Variants in CFTR observed in about 807,000 individuals in gnomAD.
The protein encoded by CFTR is CF transmembrane conductance regulator.
A neutral mutation model predicts 171.6 loss-of-function variants in CFTR; 181 were observed. The observed-to-expected ratio is 1.05, with a 90% confidence interval of 0.93 to 1.19. CFTR has a LOEUF of 1.19. Among genes scored for constraint, CFTR ranks in the 50% most tolerant of loss-of-function variants. The pLI is 0.00. For synonymous variants in CFTR, 583 were observed against 608.0 expected (o/e 0.96, Z 0.60); for missense variants, 1,968 against 1,734.7 (o/e 1.13, Z -2.39).
chr7:117,538,059 TA>T (rs1798986730), intron 7 of CFTR, among the ~76,000 whole-genome samples: 2 of 152,350 alleles, frequency 1.3e-5, no homozygotes, highest in African/African-American at 4.8e-5. Context: ...CTATCCCTCT[TA>T]CTTGGAATTT....
chr7:117,616,807 A>G (rs567699968), intron 21 of CFTR, among the ~76,000 whole-genome samples: 1 of 152,294 alleles, frequency 6.6e-6, no homozygotes, highest in African/African-American at 2.4e-5. Flanking sequence ...TTTTGTTTGA[A>G]TATCAAAGCT....
At chr7:117,549,836 TAGG>T (rs1799238502) in intron 10 of CFTR, among the ~76,000 whole-genome samples, 1 of 149,564 alleles carries the variant, frequency 6.7e-6, no homozygotes, top group Non-Finnish European at 1.5e-5. Flanking sequence ...AGAAAGGAAG[TAGG>T]AGGAAGGAAG....
intron 13 of CFTR, among the ~76,000 whole-genome samples, chr7:117,591,395 G>C (rs1562907567): frequency 6.6e-6 from 1 of 151,992 alleles, no homozygotes; most frequent in African/African-American, 2.4e-5. Context: ...TATTTGAGGA[G>C]AGTCAAATTA....
rs1799149828 is a variant in CFTR at position 117,546,497 on chromosome 7, A to G, written c.1210-2144A>G. 2.0e-5 allele frequency among the ~76,000 whole-genome samples: 3 copies of G among 152,178 alleles called. No homozygotes were observed. In the South Asian group the frequency reaches 6.2e-4, roughly 32 times the overall value. ...TTATTAAATGTAAATATAAATATAAATGTGTGGAGTGATATCCATTGAAAT... is the reference window on the plus strand; with the variant it reads ...TTATTAAATGTAAATATAAATATAAGTGTGTGGAGTGATATCCATTGAAAT... On this transcript the variant is annotated intron_variant, in intron 9 of 26. Transcript: ENST00000003084.
At chr7:117,596,278 C>A (rs1206078335) in intron 15 of CFTR, among the ~76,000 whole-genome samples, 4 of 152,234 alleles carry the variant, frequency 2.6e-5, no homozygotes, top group African/African-American at 9.6e-5. Context: ...CAGTGAGGGG[C>A]TTAGCACCTG....
At chr7:117,662,268 T>C (rs1793303061) in intron 24 of CFTR, among the ~76,000 whole-genome samples, 1 of 152,176 alleles carries the variant, frequency 6.6e-6, no homozygotes, top group Admixed American at 6.5e-5. Context: ...TCAGTACATA[T>C]TTGATAAATG....
intron 10 of CFTR, among the ~76,000 whole-genome samples, chr7:117,550,329 CAA>C (rs374964774): frequency 3.3e-4 from 45 of 135,362 alleles, no homozygotes; most frequent in African/African-American, 9.2e-4. Flanking sequence ...GTGATAGGCT[CAA>C]AAAAAAAAAA....
intron 11 of CFTR, among the ~76,000 whole-genome samples, chr7:117,585,087 A>G (rs1791909960): frequency 6.6e-6 from 1 of 151,876 alleles, no homozygotes; most frequent in Non-Finnish European, 1.5e-5. Flanking sequence ...CCCCTTCAGT[A>G]TTCTTGTCCT....
intron 14 of CFTR, among the ~76,000 whole-genome samples, chr7:117,594,265 T>C (rs1792084739): frequency 6.6e-6 from 1 of 152,224 alleles, no homozygotes. Context: ...TTGTGATTCA[T>C]AGCACTTTCC....
rs397508142 is a variant in CFTR at position 117,540,242 on chromosome 7, A to G, written c.1012A>G (p.Thr338Ala). 1 of 1,614,154 alleles carries G rather than the reference A, an allele frequency of 6.2e-7. No individual in the cohort carries two copies. The highest frequency in any genetic ancestry group is 1.1e-5 in the South Asian group (1 of 91,088). Residue 338 changes from threonine (T) to alanine (A), a missense_variant, in exon 8 of 27, where the codon ACC becomes GCC. Physicochemically the swap from Thr to Ala is moderately conservative, Grantham distance 58. Transcript: ENST00000003084. ...IKGIILRKIF[T>A]TISFCIVLRM... The stretch of plus-strand genomic sequence containing the variant: ...AGGAATCATCCTCCGGAAAATATTC[A>G]CCACCATCTCATTCTGCATTGTTCT...
chr7:117,565,669 A>G (rs1791590771), intron 11 of CFTR, among the ~76,000 whole-genome samples: 1 of 152,196 alleles, frequency 6.6e-6, no homozygotes, highest in African/African-American at 2.4e-5. Context: ...CATGACAGCC[A>G]TTACATATGC....
intron 20 of CFTR, among the ~76,000 whole-genome samples, chr7:117,612,030 T>TATATATATATATATATATATAC: frequency 1.3e-5 from 1 of 75,324 alleles, no homozygotes; most frequent in South Asian, 3.9e-4. Context: ...TATGTATATA[T>TATATATATATATATATATATAC]ATATATATAT....
At chr7:117,637,871 C>T (rs1466971101) in intron 22 of CFTR, among the ~76,000 whole-genome samples, 2 of 151,384 alleles carry the variant, frequency 1.3e-5, no homozygotes, top group South Asian at 2.1e-4. Flanking sequence ...AGCAAGACTC[C>T]GTCTCAAAAA....
chr7:117,621,200 T>C (rs1792574181), intron 21 of CFTR, among the ~76,000 whole-genome samples: 1 of 152,102 alleles, frequency 6.6e-6, no homozygotes, highest in Non-Finnish European at 1.5e-5. Context: ...TGACTGAGCA[T>C]GATGTTTGTA....
At chr7:117,575,432 G>C (rs918400534) in intron 11 of CFTR, among the ~76,000 whole-genome samples, 5 of 152,052 alleles carry the variant, frequency 3.3e-5, no homozygotes, top group African/African-American at 1.2e-4. Flanking sequence ...GTAAGTTATT[G>C]TGGTGGCCAT....
intron 2 of CFTR, 39 bp downstream of exon 2, chr7:117,504,402 C>A: frequency 1.0e-6 from 1 of 972,062 alleles, no homozygotes; most frequent in South Asian, 1.3e-5. Flanking sequence ...GAGAGAAATT[C>A]ATATTATTAA....
intron 21 of CFTR, among the ~76,000 whole-genome samples, chr7:117,617,858 T>A (rs1469132555): frequency 6.6e-6 from 1 of 152,084 alleles, no homozygotes; most frequent in Non-Finnish European, 1.5e-5. Flanking sequence ...TTTTCCTCAA[T>A]CTACTTCCAT....
At chr7:117,500,449 G>A (rs1029969738) in intron 1 of CFTR, among the ~76,000 whole-genome samples, 5 of 151,746 alleles carry the variant, frequency 3.3e-5, no homozygotes, top group African/African-American at 1.2e-4. Flanking sequence ...CCCATGCCTG[G>A]CTAATTTTTT....
chr7:117,646,561 T>A (rs1156700040), intron 23 of CFTR, among the ~76,000 whole-genome samples: 1 of 152,010 alleles, frequency 6.6e-6, no homozygotes, highest in African/African-American at 2.4e-5. Flanking sequence ...AGTTAATACT[T>A]GACAAGTGCC....
Sources: allele counts gnomAD v4.1 joint callset (sites outside exome capture counted in the v4.1 genomes callset), GRCh38; gene constraint gnomAD v4.1.1; transcripts MANE v1.5; gene names NCBI Gene and HGNC (gene_info 2026-07-23, HGNC 2026-07-21).